IQUB: variants seen among roughly 807,000 people sequenced by gnomAD.
IQUB encodes IQ motif and ubiquitin domain containing, also known as IQ motif and ubiquitin-like domain-containing protein.
In IQUB, 86 loss-of-function variants were observed where a neutral mutation model predicts 86.4. The observed-to-expected ratio is 1.00, with a 90% CI of 0.84 to 1.19. IQUB has a LOEUF of 1.19. IQUB is among the 50% of genes most tolerant of loss of function. The pLI is 0.00. For missense variants in IQUB, 946 were observed against 916.9 expected (o/e 1.03, Z -0.41); for synonymous variants, 289 against 304.5 (o/e 0.95, Z 0.53).
At chr7:123,526,828 G>A (rs868597250) in intron 1 of IQUB, among the ~76,000 whole-genome samples, 13 of 152,018 alleles carry the variant, frequency 8.6e-5, no homozygotes, top group Admixed American at 4.6e-4. Flanking sequence ...ATTTTGCAGC[G>A]GCTGGTACCA....
intron 1 of IQUB, among the ~76,000 whole-genome samples, chr7:123,532,220 C>T (rs1035556729): frequency 4.6e-5 from 7 of 152,152 alleles, no homozygotes; most frequent in Non-Finnish European, 1.0e-4. Context: ...TCATTGCTTT[C>T]TAATAAAAAT....
intron 3 of IQUB, among the ~76,000 whole-genome samples, chr7:123,507,648 G>A (rs1796241777): frequency 6.6e-6 from 1 of 152,080 alleles, no homozygotes; most frequent in Non-Finnish European, 1.5e-5. Context: ...TGCAAGGCGG[G>A]TGGATCATGA....
chr7:123,502,274 TC>T (rs1468234353), intron 6 of IQUB: 2 of 263,568 alleles, frequency 7.6e-6, no homozygotes, highest in Admixed American at 1.1e-4. Context: ...TCAATTAGTC[TC>T]GAAAGTTCCC....
At position 123,503,034 on chromosome 7, in the gene IQUB, T is replaced by G. The variant is rs1463235835; in HGVS notation, c.777A>C (p.Lys259Asn). 5 of 1,613,176 alleles carry G rather than the reference T, an allele frequency of 3.1e-6. No homozygotes were observed. Among genetic ancestry groups the G allele is most frequent in the Non-Finnish European group, 4.2e-6 (5 of 1,179,368 alleles). Reference sequence around the variant, plus strand: ...CATTGTGATACTCTACTCCTGTTACTTTATGTCTGAATCCACCAAGAAATG... The same window carrying G: ...CATTGTGATACTCTACTCCTGTTACGTTATGTCTGAATCCACCAAGAAATG... ...HKPFLGGFRHKVTGVEYHNAG... is the reference protein window; with the variant it reads ...HKPFLGGFRHNVTGVEYHNAG... Residue 259 changes from lysine to asparagine, a missense_variant, in exon 5 of 13, where the codon AAA (lysine) becomes AAC (asparagine). Transcript: ENST00000324698.
At chr7:123,462,737 A>AAT in intron 10 of IQUB, 1 of 419,826 alleles carries the variant, frequency 2.4e-6, no homozygotes, top group Non-Finnish European at 4.8e-6. Context: ...TAAATTAGCA[A>AAT]ATATATCAGT....
rs185442791 is a variant in IQUB at position 123,529,639 on chromosome 7, C to A, written c.-5+4853G>T. ...CAGTGGCTCATGCCTGTAATCCCAG[C>A]GCTTTGGGAGTCTAAAGTGGGCGGA... On this transcript the variant is annotated intron_variant, in intron 1 of 12. Transcript: ENST00000324698. Among the ~76,000 whole-genome samples the A allele has an allele frequency of 9.3e-3, 1,323 of 142,290 alleles. 15 individuals carry two copies. The highest frequency in any genetic ancestry group is 0.032 in the African/African-American group (1,239 of 38,788). The allele number at this position is 142,290 out of a possible 152,430, so 93.3% of individuals were successfully genotyped here.
chr7:123,530,465 AAAC>A (rs369535882), intron 1 of IQUB, among the ~76,000 whole-genome samples: 16 of 152,094 alleles, frequency 1.1e-4, no homozygotes, highest in East Asian at 1.9e-4. Flanking sequence ...AAACAACAAC[AAAC>A]AACAACAACA....
chr7:123,487,029 A>T (rs1390807561), intron 7 of IQUB, among the ~76,000 whole-genome samples: 1 of 152,158 alleles, frequency 6.6e-6, no homozygotes, highest in East Asian at 1.9e-4. Flanking sequence ...ACTTCATGGG[A>T]GGTGACTGGA....
intron 7 of IQUB, among the ~76,000 whole-genome samples, chr7:123,480,447 G>A (rs1164929101): frequency 6.6e-6 from 1 of 152,076 alleles, no homozygotes; most frequent in Non-Finnish European, 1.5e-5. Context: ...GTCAGAGCCT[G>A]ACTATATGTG....
At chr7:123,532,192 A>G (rs1362921505) in intron 1 of IQUB, among the ~76,000 whole-genome samples, 2 of 152,204 alleles carry the variant, frequency 1.3e-5, no homozygotes, top group East Asian at 1.9e-4. Flanking sequence ...TAAACTGAAA[A>G]GAGTCCTACT....
At chr7:123,481,232 G>A (rs1207479474) in intron 7 of IQUB, among the ~76,000 whole-genome samples, 4 of 152,012 alleles carry the variant, frequency 2.6e-5, no homozygotes, top group African/African-American at 7.3e-5. Context: ...TATGTGAAGG[G>A]AGCCATCACC....
At chr7:123,505,897 G>A (rs1218965927) in intron 3 of IQUB, among the ~76,000 whole-genome samples, 1 of 152,152 alleles carries the variant, frequency 6.6e-6, no homozygotes, top group African/African-American at 2.4e-5. Flanking sequence ...TTTATGCTCT[G>A]CTTCCTTTTT....
In IQUB at chr7:123,465,015, T is replaced by C; in HGVS notation, c.1582-6A>G. 2 of 1,529,642 alleles carry C rather than the reference T, an allele frequency of 1.3e-6. No homozygotes were observed. The highest frequency in any genetic ancestry group is 1.8e-6 in the Non-Finnish European group (2 of 1,131,124). The allele number at this position is 1,529,642 out of a possible 1,614,324, so 94.8% of individuals were successfully genotyped here. On this transcript the variant is annotated splice_region_variant and splice_polypyrimidine_tract_variant and intron_variant, in intron 9 of 12. Transcript: ENST00000324698. ...GTTAGTTTACATTCATGTTCCTATA[T>C]AAAACACAAAAATATATGGTATAAA...
At chr7:123,527,841 A>T (rs1184926415) in intron 1 of IQUB, among the ~76,000 whole-genome samples, 2 of 152,144 alleles carry the variant, frequency 1.3e-5, no homozygotes, top group Non-Finnish European at 2.9e-5. Context: ...GGTGGGCTCC[A>T]CCCAGTTGGA....
At chr7:123,453,931 C>T (rs182859070) in intron 12 of IQUB, among the ~76,000 whole-genome samples, 1 of 151,906 alleles carries the variant, frequency 6.6e-6, no homozygotes, top group African/African-American at 2.4e-5. Context: ...CTTAATTGGC[C>T]CTCTTTTCAA....
At position 123,534,556 on chromosome 7, in the gene IQUB, T is replaced by G. The variant is rs530210339; in HGVS notation, c.-69A>C. ...CCAGGCTCCTAAGACGCAGCTTCCA[T>G]ACTCGCCGCGTTCTCAGCTGTTGGT... is the stretch of plus-strand genomic sequence containing the variant. On this transcript the variant is annotated 5_prime_UTR_variant, in exon 1 of 13. An upstream start codon of the reference 5' UTR is lost. Transcript: ENST00000324698. 1.3e-5 allele frequency: 2 copies of G among 153,642 alleles called. No homozygotes were observed. Among genetic ancestry groups the G allele is most frequent in the Non-Finnish European group, 1.5e-5 (1 of 68,698 alleles). The allele number at this position is 153,642 out of a possible 1,614,324, so 9.5% of individuals were successfully genotyped here. A position where few individuals can be genotyped will look rare whatever the true frequency, so the allele number is the denominator to read the frequency against.
intron 7 of IQUB, among the ~76,000 whole-genome samples, chr7:123,483,331 C>T (rs969635483): frequency 6.6e-6 from 1 of 152,050 alleles, no homozygotes; most frequent in Non-Finnish European, 1.5e-5. Flanking sequence ...TGGAGGGCTA[C>T]ATTTACTTAA....
chr7:123,452,984 A>T (rs1000875583), intron 12 of IQUB, 59 bp from the exon 13 acceptor site: 10 of 1,331,480 alleles, frequency 7.5e-6, no homozygotes, highest in Non-Finnish European at 9.3e-6. Context: ...CCAGGTAAAA[A>T]TACTGTCATG....
At chr7:123,516,811 G>T (rs1796657866) in intron 1 of IQUB, among the ~76,000 whole-genome samples, 1 of 152,084 alleles carries the variant, frequency 6.6e-6, no homozygotes, top group South Asian at 2.1e-4. Context: ...ACACAAGGTG[G>T]CTGGGAGAAT....
Sources: allele counts gnomAD v4.1 joint callset (sites outside exome capture counted in the v4.1 genomes callset), GRCh38; gene constraint gnomAD v4.1.1; transcripts MANE v1.5; gene names NCBI Gene and HGNC (gene_info 2026-07-23, HGNC 2026-07-21).